ESRRG: variants seen among roughly 807,000 people sequenced by gnomAD.
ESRRG encodes the protein estrogen-related receptor gamma.
In ESRRG, 13 loss-of-function variants were observed where a neutral mutation model predicts 44.0. The ratio of observed to expected loss-of-function variants is 0.30; its 90% CI spans 0.19 to 0.47. ESRRG has a LOEUF of 0.47. ESRRG is among the 20% of genes least tolerant of loss of function. The probability of loss-of-function intolerance (pLI) is 1.00; values close to 1 mark genes in which losing one functional copy is unlikely to be tolerated. For missense variants in ESRRG, 395 were observed against 580.6 expected, an observed-to-expected ratio of 0.68 and a Z score of 3.29; for synonymous variants, 215 against 214.6, an observed-to-expected ratio of 1.00 and a Z score of -0.02.
chr1:216,531,324 T>A (rs745363208), intron 5 of ESRRG, among the ~76,000 whole-genome samples: 1 of 152,136 alleles, frequency 6.6e-6, no homozygotes, highest in African/African-American at 2.4e-5. Context: ...CGGTTTAAAG[T>A]CAGGCTCCCA....
intron 2 of ESRRG, among the ~76,000 whole-genome samples, chr1:216,735,519 TAAGAC>T (rs1415269500): frequency 1.3e-5 from 2 of 152,152 alleles, no homozygotes; most frequent in African/African-American, 4.8e-5. Flanking sequence ...ATCTTTTTCT[TAAGAC>T]AAGGTTGTGC....
intron 1 of ESRRG, among the ~76,000 whole-genome samples, chr1:216,972,189 C>A (rs923341185): frequency 7.9e-5 from 12 of 152,090 alleles, no homozygotes; most frequent in Non-Finnish European, 1.6e-4. Context: ...TAAAATTATG[C>A]CGGTTTTTGT....
intron 1 of ESRRG, among the ~76,000 whole-genome samples, chr1:216,953,380 T>A (rs1175541015): frequency 1.3e-5 from 2 of 152,180 alleles, no homozygotes; most frequent in Non-Finnish European, 2.9e-5. Context: ...CCCCCTGTTT[T>A]CCAAAGCCTT....
At chr1:216,928,321 T>C (rs1045601998) in intron 2 of ESRRG, among the ~76,000 whole-genome samples, 1 of 152,162 alleles carries the variant, frequency 6.6e-6, no homozygotes, top group African/African-American at 2.4e-5. Context: ...TCTCAGAGGA[T>C]GTCTCAGTTT....
intron 4 of ESRRG, among the ~76,000 whole-genome samples, chr1:216,565,127 T>C (rs1223830773): frequency 6.6e-6 from 1 of 152,224 alleles, no homozygotes; most frequent in Admixed American, 6.5e-5. Flanking sequence ...GGTTCAGATT[T>C]ATCTGTCTGA....
At chr1:216,999,961 A>G (rs2150628489) in intron 1 of ESRRG, among the ~76,000 whole-genome samples, 1 of 152,334 alleles carries the variant, frequency 6.6e-6, no homozygotes, top group Non-Finnish European at 1.5e-5. Flanking sequence ...ATCTACTATT[A>G]TTCTGTAGCA....
chr1:217,041,076 C>T (rs1170352803), intron 1 of ESRRG, among the ~76,000 whole-genome samples: 1 of 152,102 alleles, frequency 6.6e-6, no homozygotes, highest in African/African-American at 2.4e-5. Flanking sequence ...TTTCCTGCTC[C>T]CCAATCTTAG....
chr1:217,053,821 C>T (rs1407719254), intron 1 of ESRRG, among the ~76,000 whole-genome samples: 1 of 151,998 alleles, frequency 6.6e-6, no homozygotes, highest in African/African-American at 2.4e-5. Flanking sequence ...ATGGGGGCAA[C>T]ATGGGAAGAA....
intron 2 of ESRRG, among the ~76,000 whole-genome samples, chr1:216,898,834 T>C (rs1369127031): frequency 1.3e-5 from 2 of 152,128 alleles, no homozygotes; most frequent in Non-Finnish European, 2.9e-5. Context: ...AACTATTGTT[T>C]TTATGGGAAA....
chr1:217,029,211 T>C (rs1241192941), intron 1 of ESRRG, among the ~76,000 whole-genome samples: 4 of 152,230 alleles, frequency 2.6e-5, no homozygotes, highest in Non-Finnish European at 4.4e-5. Flanking sequence ...GTTCAGCTTT[T>C]GCATGATTAA....
At chr1:216,511,523 G>T (rs1284069000) in intron 6 of ESRRG, among the ~76,000 whole-genome samples, 2 of 60,090 alleles carry the variant, frequency 3.3e-5, no homozygotes, top group Non-Finnish European at 1.1e-4. Context: ...TAGGTGACAG[G>T]GTATTCCCAA....
chr1:216,714,988 T>C (rs2084513718), intron 1 of ESRRG: 3 of 661,454 alleles, frequency 4.5e-6, no homozygotes, highest in African/African-American at 2.0e-5. Context: ...TGCCTGAGCT[T>C]CTGTGCATAA....
At chr1:216,876,790 G>A (rs909668429) in intron 2 of ESRRG, among the ~76,000 whole-genome samples, 1 of 152,042 alleles carries the variant, frequency 6.6e-6, no homozygotes, top group Non-Finnish European at 1.5e-5. Context: ...GCAGTCCACT[G>A]ACCTACCCGC....
At chr1:216,967,634 A>G (rs1348865695) in intron 1 of ESRRG, among the ~76,000 whole-genome samples, 7 of 152,162 alleles carry the variant, frequency 4.6e-5, no homozygotes, top group Non-Finnish European at 1.5e-5. Context: ...TTAACTATGC[A>G]CTATTGAAAG....
chr1:216,756,684 G>A (rs2092465368), intron 2 of ESRRG, among the ~76,000 whole-genome samples: 1 of 151,920 alleles, frequency 6.6e-6, no homozygotes, highest in African/African-American at 2.4e-5. Flanking sequence ...TATCTAAAGA[G>A]GCCAGTATTT....
At chr1:216,668,116 A>T (rs1295621403) in intron 2 of ESRRG, among the ~76,000 whole-genome samples, 1 of 152,146 alleles carries the variant, frequency 6.6e-6, no homozygotes, top group African/African-American at 2.4e-5. Context: ...ATAAATAAAT[A>T]AATAAATATT....
At chr1:216,563,909 G>A (rs1477900138) in intron 5 of ESRRG, among the ~76,000 whole-genome samples, 1 of 152,124 alleles carries the variant, frequency 6.6e-6, no homozygotes, top group East Asian at 1.9e-4. Flanking sequence ...AGAAGTATTT[G>A]CTAGGAAAAA....
intron 1 of ESRRG, among the ~76,000 whole-genome samples, chr1:217,050,788 A>T (rs2085809809): frequency 6.6e-6 from 1 of 152,124 alleles, no homozygotes; most frequent in Non-Finnish European, 1.5e-5. Context: ...TCACAAAGCT[A>T]ATAGTAAGTC....
At chr1:217,050,056 G>C (rs1358950933) in intron 1 of ESRRG, among the ~76,000 whole-genome samples, 1 of 152,208 alleles carries the variant, frequency 6.6e-6, no homozygotes, top group African/African-American at 2.4e-5. Context: ...GTCACTGTAA[G>C]TCAGATGTGT....
Sources: gnomAD v4.1 joint callset for allele counts (sites outside exome capture counted in the v4.1 genomes callset) on GRCh38, gnomAD v4.1.1 for gene constraint, MANE v1.5 for transcripts, NCBI Gene and HGNC (gene_info 2026-07-23, HGNC 2026-07-21) for gene names.